Variants in TRPC1 observed in about 807,000 individuals in gnomAD.
The protein encoded by TRPC1 is transient receptor potential cation channel subfamily C member 1.
TRPC1 carries 42 observed loss-of-function variants against 88.2 expected under a neutral mutation model. That is an observed-to-expected ratio of 0.48 (90% CI 0.37 to 0.62). The LOEUF is 0.62. TRPC1 is among the 20% of genes least tolerant of loss of function. The pLI, the probability that TRPC1 is intolerant of heterozygous loss-of-function variation, is 0.00. For missense variants in TRPC1, 699 were observed against 957.3 expected, an observed-to-expected ratio of 0.73 and a Z score of 3.56; for synonymous variants, 288 against 331.8, an observed-to-expected ratio of 0.87 and a Z score of 1.43.
chr3:142,791,386 T>G (rs1307384221), intron 8 of TRPC1, among the ~76,000 whole-genome samples: 2 of 152,140 alleles, frequency 1.3e-5, no homozygotes, highest in Non-Finnish European at 2.9e-5. Flanking sequence ...ATAGTTCACA[T>G]TTGGTATACT....
At chr3:142,784,130 T>A (rs917388167) in intron 6 of TRPC1, among the ~76,000 whole-genome samples, 7 of 152,138 alleles carry the variant, frequency 4.6e-5, no homozygotes, top group African/African-American at 1.4e-4. Flanking sequence ...TTTTTATTGT[T>A]TTTGCTATCT....
At chr3:142,768,344 G>A (rs377008653) in intron 4 of TRPC1, among the ~76,000 whole-genome samples, 32 of 152,112 alleles carry the variant, frequency 2.1e-4, no homozygotes, top group African/African-American at 7.5e-4. Context: ...TTCAGGCTCT[G>A]TTGTTAGGTG....
At chr3:142,742,535 A>G (rs1934391248) in intron 2 of TRPC1, among the ~76,000 whole-genome samples, 1 of 152,184 alleles carries the variant, frequency 6.6e-6, no homozygotes, top group African/African-American at 2.4e-5. Flanking sequence ...AAGTGAATAT[A>G]AACTTTACTC....
Position 142,802,076 on chromosome 3 carries a change from G to A in TRPC1, c.1582-93G>A, listed in dbSNP as rs1370321474. ...AGAAGGGGTGGCCTGTGGATTATGT[G>A]TTTGTCTTCTTCCTTTTGTTGCTGG... is the stretch of plus-strand genomic sequence containing the variant. On this transcript the variant is annotated intron_variant, in intron 9 of 12. Transcript: ENST00000476941. 84 of 870,478 alleles carry A rather than the reference G, an allele frequency of 9.6e-5. No homozygotes were observed. In the East Asian group the frequency reaches 2.4e-3, roughly 25 times the overall value. The allele number at this position is 870,478 out of a possible 1,614,324, so 53.9% of individuals were successfully genotyped here. A position where few individuals can be genotyped will look rare whatever the true frequency, so the allele number is the denominator to read the frequency against.
intron 1 of TRPC1, among the ~76,000 whole-genome samples, chr3:142,725,273 TAAC>T (rs1426421275): frequency 6.6e-6 from 1 of 152,202 alleles, no homozygotes; most frequent in Non-Finnish European, 1.5e-5. Flanking sequence ...CTGGCATTAA[TAAC>T]GGAATATCCT....
At chr3:142,742,698 A>G (rs1354696923) in intron 2 of TRPC1, among the ~76,000 whole-genome samples, 2 of 152,146 alleles carry the variant, frequency 1.3e-5, no homozygotes, top group Non-Finnish European at 2.9e-5. Context: ...ATTTATCCCC[A>G]TGTTTTCCTT....
intron 9 of TRPC1, among the ~76,000 whole-genome samples, chr3:142,794,634 C>G (rs952495681): frequency 2.6e-5 from 4 of 152,086 alleles, no homozygotes; most frequent in African/African-American, 9.7e-5. Flanking sequence ...CTGGATTTAG[C>G]AGCACAGAAA....
chr3:142,737,975 A>G (rs1934202959), intron 2 of TRPC1, among the ~76,000 whole-genome samples: 1 of 152,224 alleles, frequency 6.6e-6, no homozygotes, highest in Admixed American at 6.5e-5. Context: ...GTAGAAAAAA[A>G]TTCATACGCT....
chr3:142,732,214 A>G (rs1933949629), intron 1 of TRPC1, among the ~76,000 whole-genome samples: 1 of 152,140 alleles, frequency 6.6e-6, no homozygotes. Flanking sequence ...GGTCCATGTG[A>G]ATCCCACCTG....
intron 3 of TRPC1, among the ~76,000 whole-genome samples, chr3:142,745,977 G>C (rs148914632): frequency 6.6e-6 from 1 of 152,114 alleles, no homozygotes; most frequent in African/African-American, 2.4e-5. Flanking sequence ...GTCTGGTCTG[G>C]AACTCTTGAC....
chr3:142,794,347 G>A (rs940107864), intron 9 of TRPC1, among the ~76,000 whole-genome samples: 1 of 152,004 alleles, frequency 6.6e-6, no homozygotes, highest in Non-Finnish European at 1.5e-5. Flanking sequence ...AAAGGAGAAA[G>A]TATAATATTT....
chr3:142,740,113 A>T (rs1934292958), intron 2 of TRPC1, among the ~76,000 whole-genome samples: 1 of 152,240 alleles, frequency 6.6e-6, no homozygotes, highest in Admixed American at 6.5e-5. Context: ...GAACAGTTTC[A>T]TCCGAAACTA....
At chr3:142,732,145 G>A (rs1343295463) in intron 1 of TRPC1, among the ~76,000 whole-genome samples, 2 of 152,200 alleles carry the variant, frequency 1.3e-5, no homozygotes, top group Non-Finnish European at 2.9e-5. Context: ...AAGGGGGTGA[G>A]TGTGGGCTCA....
At chr3:142,734,363 A>G (rs1216429851) in intron 1 of TRPC1, among the ~76,000 whole-genome samples, 2 of 152,220 alleles carry the variant, frequency 1.3e-5, no homozygotes, top group African/African-American at 4.8e-5. Context: ...TAAATTTTTA[A>G]GAAATCAGTG....
At chr3:142,795,337 T>C (rs1015877643) in intron 9 of TRPC1, among the ~76,000 whole-genome samples, 1 of 122,032 alleles carries the variant, frequency 8.2e-6, no homozygotes, top group African/African-American at 5.5e-5. Context: ...AAGAAAACTA[T>C]AAACCCACAT....
At chr3:142,790,413 G>A (rs942185654) in intron 7 of TRPC1, among the ~76,000 whole-genome samples, 1 of 152,130 alleles carries the variant, frequency 6.6e-6, no homozygotes, top group Non-Finnish European at 1.5e-5. Context: ...CAGTGGTTTT[G>A]CATTTTTTTG....
intron 4 of TRPC1, among the ~76,000 whole-genome samples, chr3:142,758,104 C>T (rs1036036233): frequency 6.6e-6 from 1 of 152,096 alleles, no homozygotes; most frequent in East Asian, 1.9e-4. Flanking sequence ...CCCACCTTCT[C>T]CTAACACCCC....
At chr3:142,758,945 G>A (rs952510968) in intron 4 of TRPC1, among the ~76,000 whole-genome samples, 52 of 151,342 alleles carry the variant, frequency 3.4e-4, no homozygotes, top group Non-Finnish European at 7.4e-5. Flanking sequence ...CTGTCCTTGC[G>A]ATAGTTTGCT....
At chr3:142,799,631 C>T (rs1258348702) in intron 9 of TRPC1, among the ~76,000 whole-genome samples, 1 of 151,968 alleles carries the variant, frequency 6.6e-6, no homozygotes, top group Non-Finnish European at 1.5e-5. Flanking sequence ...CATAGCAAGA[C>T]CTTGTCTACA....
Sources: allele counts gnomAD v4.1 joint callset (sites outside exome capture counted in the v4.1 genomes callset), GRCh38; gene constraint gnomAD v4.1.1; transcripts MANE v1.5; gene names NCBI Gene and HGNC (gene_info 2026-07-23, HGNC 2026-07-21).